The following IL1RAPL2 variants were observed in gnomAD, a reference collection of about 807,000 sequenced individuals.
The protein encoded by IL1RAPL2 is interleukin 1 receptor accessory protein like 2, also known as X-linked interleukin-1 receptor accessory protein-like 2.
IL1RAPL2 carries 3 observed loss-of-function variants against 44.1 expected under a neutral mutation model. The observed-to-expected ratio is 0.07, with a 90% CI of 0.03 to 0.18. The LOEUF (loss-of-function observed/expected upper bound fraction) is 0.18, where lower values mean the gene tolerates loss of function less well. IL1RAPL2 is among the 10% of genes least tolerant of loss of function. The probability of loss-of-function intolerance (pLI) is 1.00; values close to 1 mark genes in which losing one functional copy is unlikely to be tolerated. For synonymous variants in IL1RAPL2, 181 were observed against 178.8 expected, an observed-to-expected ratio of 1.01 and a Z score of -0.10; for missense variants, 391 against 496.4, an observed-to-expected ratio of 0.79 and a Z score of 2.02.
At chrX:105,233,540 C>T (rs1490410462) in intron 3 of IL1RAPL2, among the ~76,000 whole-genome samples, 3 of 111,939 alleles carry the variant, frequency 2.7e-5, no homozygotes, top group Non-Finnish European at 3.8e-5. Context: ...ATATTTATTG[C>T]TGGGAAAGAA....
chrX:104,939,348 C>T (rs932552829), intron 2 of IL1RAPL2, among the ~76,000 whole-genome samples: 17 of 111,680 alleles, frequency 1.5e-4, no homozygotes, highest in African/African-American at 5.2e-4. Flanking sequence ...TGAGCCACCA[C>T]GCTGGGCCAC....
chrX:105,376,085 A>T, intron 5 of IL1RAPL2, among the ~76,000 whole-genome samples: 1 of 111,972 alleles, frequency 8.9e-6, no homozygotes, highest in Middle Eastern at 4.6e-3. Context: ...TGGGCAACGA[A>T]GATTAGATGA....
chrX:104,707,509 C>A (rs1471080560), intron 2 of IL1RAPL2, among the ~76,000 whole-genome samples: 1 of 111,622 alleles, frequency 9.0e-6, no homozygotes, highest in Non-Finnish European at 1.9e-5. Context: ...ATTGAAAGAG[C>A]CTGGCTCTAA....
chrX:105,102,906 G>C (rs2032688855), intron 2 of IL1RAPL2, among the ~76,000 whole-genome samples: 1 of 111,358 alleles, frequency 9.0e-6, no homozygotes, highest in African/African-American at 3.3e-5. Context: ...GGGTAAGAAA[G>C]ATAGTAGTAA....
intron 6 of IL1RAPL2, among the ~76,000 whole-genome samples, chrX:105,600,775 A>G (rs1267158130): frequency 9.0e-6 from 1 of 110,894 alleles, no homozygotes; most frequent in Non-Finnish European, 1.9e-5. Flanking sequence ...ACTAAGAAGT[A>G]GAATTGCTGG....
intron 3 of IL1RAPL2, among the ~76,000 whole-genome samples, chrX:105,197,466 A>G (rs1556142261): frequency 8.9e-6 from 1 of 111,837 alleles, no homozygotes; most frequent in African/African-American, 3.3e-5. Flanking sequence ...TAAGCTTACA[A>G]TGAATTATTA....
chrX:104,957,313 A>G (rs2029921845), intron 2 of IL1RAPL2, among the ~76,000 whole-genome samples: 1 of 112,068 alleles, frequency 8.9e-6, no homozygotes, highest in Admixed American at 9.4e-5. Flanking sequence ...CCCTGGAATT[A>G]AAGGAGGAAA....
chrX:105,230,469 ATTAG>A (rs1421667412), intron 3 of IL1RAPL2, among the ~76,000 whole-genome samples: 1 of 107,902 alleles, frequency 9.3e-6, no homozygotes, highest in Admixed American at 1.0e-4. Flanking sequence ...ATATATGCAT[ATTAG>A]TTATATATGT....
At chrX:105,657,556 C>A in intron 6 of IL1RAPL2, among the ~76,000 whole-genome samples, 1 of 112,050 alleles carries the variant, frequency 8.9e-6, no homozygotes, top group East Asian at 2.8e-4. Context: ...GCTTCTATCT[C>A]CCACTAGAGA....
At chrX:104,869,652 A>G (rs1922710977) in intron 2 of IL1RAPL2, among the ~76,000 whole-genome samples, 1 of 111,922 alleles carries the variant, frequency 8.9e-6, no homozygotes, top group African/African-American at 3.2e-5. Flanking sequence ...GGTGTGCTGT[A>G]CCCATTAACT....
At chrX:105,085,150 A>G (rs1247950346) in intron 2 of IL1RAPL2, among the ~76,000 whole-genome samples, 2 of 112,153 alleles carry the variant, frequency 1.8e-5, no homozygotes, top group Admixed American at 1.9e-4. Context: ...GTGTGAGAAT[A>G]TACTAATACA....
chrX:105,599,093 C>T (rs1319171538), intron 6 of IL1RAPL2, among the ~76,000 whole-genome samples: 1 of 112,319 alleles, frequency 8.9e-6, no homozygotes, highest in Non-Finnish European at 1.9e-5. Context: ...GTTTATGATT[C>T]TTACCTTGAA....
chrX:104,631,902 A>G (rs1216111371), intron 1 of IL1RAPL2, among the ~76,000 whole-genome samples: 1 of 110,131 alleles, frequency 9.1e-6, no homozygotes, highest in African/African-American at 3.3e-5. Context: ...TGTTTTAGAC[A>G]TGAAGTCCTT....
chrX:105,560,219 T>A (rs369680420), intron 6 of IL1RAPL2, among the ~76,000 whole-genome samples: 4 of 111,453 alleles, frequency 3.6e-5, no homozygotes, highest in South Asian at 7.7e-4. Context: ...CAAGGGTCTG[T>A]GTGAAGACTC....
chrX:104,611,005 T>C lies in IL1RAPL2; in HGVS notation c.-20+43954T>C, dbSNP rs1021297340. ...AATGGAGGCTGTAGAACAGCAAATA[T>C]TGCTGCCTGATCCTTCCTCTGGAAG... On this transcript the variant is annotated intron_variant, in intron 1 of 10. Coordinates refer to ENST00000372582, the MANE Select transcript of IL1RAPL2 (RefSeq NM_017416.2). 1.1e-4 allele frequency among the ~76,000 whole-genome samples: 12 copies of C among 111,672 alleles called. No homozygotes were observed. The East Asian group carries it at 3.4e-3, about 32-fold the overall frequency.
chrX:105,661,298 C>G (rs1372876377), intron 6 of IL1RAPL2, among the ~76,000 whole-genome samples: 4 of 111,932 alleles, frequency 3.6e-5, no homozygotes, highest in Non-Finnish European at 7.5e-5. Context: ...TAGAGATAAA[C>G]AGAGATACAG....
Position 105,118,629 on chromosome X carries a change from AAAAATCT to A in IL1RAPL2, c.83-76838_83-76832del, listed in dbSNP as rs764206142. 7.3e-4 allele frequency among the ~76,000 whole-genome samples: 82 copies of A among 112,409 alleles called. 1 individual carries two copies. The Admixed American group carries it at 7.7e-3, about 11-fold the overall frequency. ...AAAAAGGAAAAGGAAAACATGTTAT[AAAAATCT>A]AAAATCTCCATGGACTTTTGAGCAA... On this transcript the variant is annotated intron_variant, in intron 2 of 10. Coordinates refer to ENST00000372582, the MANE Select transcript of IL1RAPL2 (RefSeq NM_017416.2).
At chrX:105,388,666 A>G (rs183359104) in intron 5 of IL1RAPL2, among the ~76,000 whole-genome samples, 2 of 110,975 alleles carry the variant, frequency 1.8e-5, no homozygotes, top group African/African-American at 6.5e-5. Context: ...GCATCCCTCA[A>G]TCTCTCAGTC....
At chrX:105,391,050 G>C (rs749945201) in intron 5 of IL1RAPL2, among the ~76,000 whole-genome samples, 2 of 111,753 alleles carry the variant, frequency 1.8e-5, no homozygotes, top group South Asian at 7.5e-4. Flanking sequence ...GAGAGACTCT[G>C]TAAAGTAGGT....
Sources: allele counts gnomAD v4.1 joint callset (sites outside exome capture counted in the v4.1 genomes callset), GRCh38; gene constraint gnomAD v4.1.1; transcripts MANE v1.5; gene names NCBI Gene and HGNC (gene_info 2026-07-23, HGNC 2026-07-21).